AFAP1: variants seen among roughly 807,000 people sequenced by gnomAD.
The protein encoded by AFAP1 is actin filament-associated protein 1.
Under a neutral mutation model 93.9 loss-of-function variants are expected in AFAP1, and 75 were observed. That is an observed-to-expected ratio of 0.80 (90% CI 0.66 to 0.97). The LOEUF is 0.97. Ranked by LOEUF, AFAP1 falls within the 50% of genes least tolerant of loss-of-function variation. The probability of loss-of-function intolerance (pLI) is 0.00; values close to 1 mark genes in which losing one functional copy is unlikely to be tolerated. For synonymous variants in AFAP1, 517 were observed against 430.7 expected, an observed-to-expected ratio of 1.20 and a Z score of -2.48; for missense variants, 1,201 against 1,050.8, an observed-to-expected ratio of 1.14 and a Z score of -1.98.
intron 1 of AFAP1, among the ~76,000 whole-genome samples, chr4:7,887,857 C>T (rs1391899503): frequency 1.3e-5 from 2 of 150,354 alleles, no homozygotes; most frequent in Admixed American, 6.6e-5. Flanking sequence ...GATGGAGTCT[C>T]GCTCCATTGC....
chr4:7,818,017 G>A (rs1020824394), intron 7 of AFAP1, among the ~76,000 whole-genome samples: 2 of 152,162 alleles, frequency 1.3e-5, no homozygotes, highest in African/African-American at 4.8e-5. Flanking sequence ...ACGGTATGAG[G>A]ATGAGGACTG....
intron 6 of AFAP1, among the ~76,000 whole-genome samples, chr4:7,835,402 T>G (rs1187449718): frequency 2.8e-5 from 3 of 106,826 alleles, no homozygotes; most frequent in Admixed American, 9.0e-5. Context: ...GGGTGGCTCT[T>G]GAATGGACTG....
At chr4:7,845,498 CA>C (rs1385902679) in intron 4 of AFAP1, among the ~76,000 whole-genome samples, 1 of 152,032 alleles carries the variant, frequency 6.6e-6, no homozygotes, top group Admixed American at 6.6e-5. Flanking sequence ...TTGGCAATGG[CA>C]CTAGGAATGG....
At position 7,800,654 on chromosome 4, in the gene AFAP1, C is replaced by T; in HGVS notation, c.1055-1G>A. 6.2e-7 allele frequency: 1 copy of T among 1,614,164 alleles called. No individual in the cohort carries two copies. Among genetic ancestry groups the T allele is most frequent in the Non-Finnish European group, 8.5e-7 (1 of 1,180,028 alleles). ...CTGTTGGAGAGCACGTTCAGATAGC[C>T]TGCGGAGACACAAGGCCACAGGTCA... On this transcript the variant is annotated splice_acceptor_variant, in intron 9 of 17. Coordinates refer to ENST00000420658, the MANE Select transcript of AFAP1 (RefSeq NM_001134647.2). LOFTEE classifies it high-confidence loss of function.
intron 1 of AFAP1, among the ~76,000 whole-genome samples, chr4:7,916,890 C>T (rs1720111943): frequency 6.6e-6 from 1 of 152,172 alleles, no homozygotes; most frequent in African/African-American, 2.4e-5. Flanking sequence ...TAGCCCAGTG[C>T]ATTTTCAGGA....
intron 1 of AFAP1, among the ~76,000 whole-genome samples, chr4:7,877,124 T>C (rs950691996): frequency 1.4e-4 from 21 of 152,222 alleles, no homozygotes; most frequent in Non-Finnish European, 2.1e-4. Context: ...GGGGTTTTTT[T>C]CCCTCAAGGT....
At chr4:7,799,115 G>C (rs978686234) in intron 10 of AFAP1, 1 of 982,880 alleles carries the variant, frequency 1.0e-6, no homozygotes, top group African/African-American at 1.8e-5. Flanking sequence ...GGTGGGTAAA[G>C]AAGCTGAGAG....
At chr4:7,912,505 T>C (rs1172346511) in intron 1 of AFAP1, among the ~76,000 whole-genome samples, 1 of 152,242 alleles carries the variant, frequency 6.6e-6, no homozygotes, top group Non-Finnish European at 1.5e-5. Flanking sequence ...CTGATAGGTG[T>C]ATAGTGATGT....
intron 3 of AFAP1, among the ~76,000 whole-genome samples, chr4:7,864,164 C>CACATTCCCAACTT (rs1314891559): frequency 3.7e-4 from 56 of 152,020 alleles, no homozygotes; most frequent in East Asian, 5.8e-4. Flanking sequence ...CTCATCACAA[C>CACATTCCCAACTT]CCACAGGTCC....
chr4:7,799,824 T>TAG (rs1482577847), intron 10 of AFAP1, among the ~76,000 whole-genome samples: 3 of 152,250 alleles, frequency 2.0e-5, no homozygotes, highest in Non-Finnish European at 4.4e-5. Context: ...TTTAACTGTC[T>TAG]TTTCTGCTTT....
chr4:7,768,029 T>C (rs530221243), intron 17 of AFAP1, among the ~76,000 whole-genome samples: 1 of 152,232 alleles, frequency 6.6e-6, no homozygotes, highest in Non-Finnish European at 1.5e-5. Context: ...TGAGCTGTGA[T>C]GGCACCACTA....
At position 7,817,342 on chromosome 4, in the gene AFAP1, C is replaced by A. The variant is rs142167893; in HGVS notation, c.823-1243G>T. 3.8e-3 allele frequency among the ~76,000 whole-genome samples: 583 copies of A among 152,284 alleles called. 6 individuals are homozygous for A. The highest frequency in any genetic ancestry group is 0.013 in the African/African-American group (550 of 41,568). On this transcript the variant is annotated intron_variant, in intron 7 of 17. Transcript: ENST00000420658. Reference sequence around the variant, plus strand: ...AACAGGACAGGTACGGTGGCTCACACCTGTAATCCCAGCACTTTGGGAGGC... The same window carrying A: ...AACAGGACAGGTACGGTGGCTCACAACTGTAATCCCAGCACTTTGGGAGGC...
At chr4:7,894,595 G>A (rs1577341080) in intron 1 of AFAP1, among the ~76,000 whole-genome samples, 1 of 152,130 alleles carries the variant, frequency 6.6e-6, no homozygotes, top group Non-Finnish European at 1.5e-5. Flanking sequence ...CAGAATCAGG[G>A]AGACAGAGGG....
At chr4:7,895,770 T>C (rs1718725685) in intron 1 of AFAP1, among the ~76,000 whole-genome samples, 1 of 151,762 alleles carries the variant, frequency 6.6e-6, no homozygotes, top group Non-Finnish European at 1.5e-5. Flanking sequence ...AATTAGCAGC[T>C]CAGTGATCTT....
chr4:7,812,315 C>A (rs1286344793), intron 8 of AFAP1, among the ~76,000 whole-genome samples: 1 of 152,056 alleles, frequency 6.6e-6, no homozygotes, highest in Non-Finnish European at 1.5e-5. Flanking sequence ...GAAAATGCAG[C>A]TCATCGCGGT....
chr4:7,876,199 C>T (rs926368631), intron 1 of AFAP1, among the ~76,000 whole-genome samples: 21 of 152,222 alleles, frequency 1.4e-4, no homozygotes, highest in African/African-American at 5.1e-4. Flanking sequence ...CTCTACAGTG[C>T]GACCATGAGG....
chr4:7,807,172 A>C (rs768431345), intron 9 of AFAP1, among the ~76,000 whole-genome samples: 20 of 151,980 alleles, frequency 1.3e-4, no homozygotes, highest in Non-Finnish European at 2.5e-4. Context: ...TCAAGGAAGA[A>C]TTTCTATTTC....
intron 10 of AFAP1, among the ~76,000 whole-genome samples, chr4:7,798,163 C>G (rs1442752784): frequency 9.1e-6 from 1 of 109,392 alleles, no homozygotes; most frequent in Non-Finnish European, 2.0e-5. Flanking sequence ...GGCACTGCAA[C>G]TCTACTGGCT....
chr4:7,845,852 G>A (rs1036540727), intron 4 of AFAP1, among the ~76,000 whole-genome samples: 7 of 150,264 alleles, frequency 4.7e-5, no homozygotes, highest in African/African-American at 1.7e-4. Context: ...CACTCCCCCT[G>A]CTGCCAAAGC....
Sources: allele counts gnomAD v4.1 joint callset (sites outside exome capture counted in the v4.1 genomes callset), GRCh38; gene constraint gnomAD v4.1.1; transcripts MANE v1.5; gene names NCBI Gene and HGNC (gene_info 2026-07-23, HGNC 2026-07-21).